Variants in SLC16A6 observed in about 807,000 individuals in gnomAD.
SLC16A6 encodes the protein monocarboxylate transporter 7.
Under a neutral mutation model 33.8 loss-of-function variants are expected in SLC16A6, and 15 were observed. The ratio of observed to expected loss-of-function variants is 0.44; its 90% CI spans 0.30 to 0.68. The LOEUF (loss-of-function observed/expected upper bound fraction) is 0.68. Ranked by LOEUF, SLC16A6 falls within the 30% of genes least tolerant of loss-of-function variation. The probability of loss-of-function intolerance (pLI) is 0.10; values close to 1 mark genes in which losing one functional copy is unlikely to be tolerated. For missense variants in SLC16A6, 451 were observed against 661.5 expected (o/e 0.68, Z 3.49); for synonymous variants, 219 against 248.4 (o/e 0.88, Z 1.11).
Position 68,271,643 on chromosome 17 carries a change from G to T in SLC16A6, c.517C>A (p.Leu173Met), listed in dbSNP as rs1555748909. Residue 173 changes from leucine (L) to methionine (M), a missense_variant, in exon 5 of 6, where the codon CTG becomes ATG. Transcript: ENST00000580666. This position sits in a 1 kb window ranked among gnomAD's most constrained non-coding sequence, Gnocchi z 5.3. ...VFAFAPAIMA[L>M]KERIGWRYSL... ...TATCTCCAGCCAATGCGCTCCTTCA[G>T]AGCCATGATTGCTTGAATAGGCAGG... is the stretch of plus-strand genomic sequence containing the variant. The T allele has an allele frequency of 6.2e-7, 1 of 1,611,550 alleles. No individual in the cohort carries two copies. Among genetic ancestry groups the T allele is most frequent in the Admixed American group, 1.7e-5 (1 of 59,920 alleles).
chr17:68,273,890 T>C (rs1479515787), intron 3 of SLC16A6, 37 bp downstream of exon 3: 1 of 1,601,462 alleles, frequency 6.2e-7, no homozygotes, highest in African/African-American at 1.3e-5. Context: ...TCAAACTAAG[T>C]GTCTAGACAA....
chr17:68,270,846 G>T lies in SLC16A6; in HGVS notation c.1314C>A (p.Pro438=), dbSNP rs1555748243. 1 of 1,606,394 alleles carries T rather than the reference G, an allele frequency of 6.2e-7. No individual in the cohort carries two copies. The highest frequency in any genetic ancestry group is 1.1e-5 in the South Asian group (1 of 90,344). ...TTTGTGTATTTAAATTACCTGCAAG[G>T]GGCGGTCCAGCCAGTCCTGCTATGC... ...IQSIAGLAGP[P]LAGLLVDQSK... The change falls in exon 5 of 6, where the codon CCC becomes CCA. Residue 438 remains proline, a synonymous_variant. Transcript: ENST00000580666.
intron 1 of SLC16A6, among the ~76,000 whole-genome samples, chr17:68,282,779 T>TTAAAA (rs1188538323): frequency 1.9e-5 from 1 of 53,398 alleles, no homozygotes; most frequent in Non-Finnish European, 3.3e-5. Context: ...CCATCTCTAC[T>TTAAAA]AAAAAAAAAA....
intron 1 of SLC16A6, among the ~76,000 whole-genome samples, chr17:68,279,111 C>T (rs181060828): frequency 6.6e-6 from 1 of 152,150 alleles, no homozygotes; most frequent in Non-Finnish European, 1.5e-5. Flanking sequence ...GGCCACCAGA[C>T]CAAGTATTAA....
Position 68,267,719 on chromosome 17 carries a change from G to A in SLC16A6, c.*1377C>T, listed in dbSNP as rs1555746847. The A allele has an allele frequency of 6.6e-6, 1 of 151,286 alleles. No homozygotes were observed. Among genetic ancestry groups the A allele is most frequent in the East Asian group, 1.9e-4 (1 of 5,154 alleles). The allele number at this position is 151,286 out of a possible 1,614,324, so 9.4% of individuals were successfully genotyped here. A position where few individuals can be genotyped will look rare whatever the true frequency, so the allele number is the denominator to read the frequency against. On this transcript the variant is annotated 3_prime_UTR_variant, in exon 6 of 6. Transcript: ENST00000580666. Reference sequence around the variant, plus strand: ...CCTCCTTACAGAAAACTGCTAACGTGAGCAATACTATACATGTAGTGTGAC... The same window carrying A: ...CCTCCTTACAGAAAACTGCTAACGTAAGCAATACTATACATGTAGTGTGAC...
intron 1 of SLC16A6, among the ~76,000 whole-genome samples, chr17:68,288,694 C>T (rs578046263): frequency 6.6e-6 from 1 of 152,338 alleles, no homozygotes; most frequent in African/African-American, 2.4e-5. Context: ...ACTTCTATGA[C>T]AGCCTTTGAC....
chr17:68,270,380 C>G (rs1225848966), intron 5 of SLC16A6, among the ~76,000 whole-genome samples: 1 of 152,064 alleles, frequency 6.6e-6, no homozygotes, highest in African/African-American at 2.4e-5. Flanking sequence ...ATGGTGAAAC[C>G]CCATCTCTAC....
chr17:68,290,123 G>A (rs970000829), intron 1 of SLC16A6, among the ~76,000 whole-genome samples: 5 of 152,110 alleles, frequency 3.3e-5, no homozygotes, highest in Admixed American at 3.3e-4. Context: ...TCATTCCCGG[G>A]GTAGAAACCA....
intron 4 of SLC16A6, among the ~76,000 whole-genome samples, chr17:68,272,333 G>A (rs1485955241): frequency 6.6e-6 from 1 of 152,176 alleles, no homozygotes. Context: ...TTTGAAAAAC[G>A]AGAGGACATA....
intron 5 of SLC16A6, 41 bp downstream of exon 5, chr17:68,270,798 G>C: frequency 6.6e-7 from 1 of 1,506,248 alleles, no homozygotes; most frequent in South Asian, 1.3e-5. Context: ...AATTCACAAG[G>C]GAAAGTAGAC....
rs2075190619 is a variant in SLC16A6 at position 68,267,402 on chromosome 17, C to G, written c.*1694G>C. The G allele has an allele frequency of 6.6e-6, 1 of 152,130 alleles. No individual in the cohort carries two copies. The highest frequency in any genetic ancestry group is 2.1e-4 in the South Asian group (1 of 4,830). The allele number at this position is 152,130 out of a possible 1,614,324, so 9.4% of individuals were successfully genotyped here. On this transcript the variant is annotated 3_prime_UTR_variant, in exon 6 of 6. Coordinates refer to ENST00000580666, the MANE Select transcript of SLC16A6 (RefSeq NM_004694.5). ...TTGACAGACACTTTGTCATTTCCTC[C>G]CCCACCCTCCCCAAAGTTTTATAGA...
At position 68,273,939 on chromosome 17, in the gene SLC16A6, C is replaced by T. The variant is rs782397998; in HGVS notation, c.364G>A (p.Gly122Ser). ...QEVSHMYVAI[G>S]IISGLGYCFS... is the part of the protein sequence containing the mutation. ...GAGGAACACTTACCAGAGATGATGC[C>T]GATGGCGACGTACATATGAGAAACC... is the stretch of plus-strand genomic sequence containing the variant. Residue 122 changes from glycine (G) to serine (S), a missense_variant, in exon 3 of 6, where the codon GGC becomes AGC. Coordinates refer to ENST00000580666, the MANE Select transcript of SLC16A6 (RefSeq NM_004694.5). 3 of 1,613,994 alleles carry T rather than the reference C, an allele frequency of 1.9e-6. No individual in the cohort carries two copies. The highest frequency in any genetic ancestry group is 1.1e-5 in the South Asian group (1 of 91,074).
Position 68,270,199 on chromosome 17 carries a change from T to C in SLC16A6, c.1321+640A>G, listed in dbSNP as rs782098213. Reference sequence around the variant, plus strand: ...TAGTTCTATCATTCCAAAAGTCAGGTGGGCTCTGAAGGTGATAAATCCATG... The same window carrying C: ...TAGTTCTATCATTCCAAAAGTCAGGCGGGCTCTGAAGGTGATAAATCCATG... On this transcript the variant is annotated intron_variant, in intron 5 of 5. Transcript: ENST00000580666. Among the ~76,000 whole-genome samples the C allele has an allele frequency of 6.6e-5, 10 of 152,066 alleles. 1 individual carries two copies. The highest frequency in any genetic ancestry group is 1.0e-4 in the Non-Finnish European group (7 of 68,018).
intron 2 of SLC16A6, 36 bp from the exon 3 acceptor site, chr17:68,274,106 A>C: frequency 6.2e-7 from 1 of 1,602,452 alleles, no homozygotes; most frequent in South Asian, 1.1e-5. Context: ...TTTAACTCAC[A>C]GAGGCTTCAG....
intron 2 of SLC16A6, among the ~76,000 whole-genome samples, chr17:68,275,465 A>G (rs1218371945): frequency 6.6e-6 from 1 of 152,212 alleles, no homozygotes; most frequent in Admixed American, 6.5e-5. Context: ...TGTTGGCTCA[A>G]AGCATTAACA....
intron 1 of SLC16A6, among the ~76,000 whole-genome samples, chr17:68,282,800 A>AAAAAAAAAAAAAAAAAAG (rs2075736806): frequency 6.8e-6 from 1 of 147,372 alleles, no homozygotes; most frequent in Non-Finnish European, 1.5e-5. Context: ...AAAAAAAAAA[A>AAAAAAAAAAAAAAAAAAG]GGCCAGGTGT....
Position 68,272,662 on chromosome 17 carries a change from A to C in SLC16A6, c.482T>G (p.Phe161Cys). Residue 161 changes from phenylalanine (F) to cysteine (C), a missense_variant, in exon 4 of 6, where the codon TTC becomes TGC. Physicochemically the swap from Phe to Cys is radical, Grantham distance 205. Around this residue, in one of 2 missense-constraint regions of SLC16A6, gnomAD observed 405 missense variants for 510.7 expected, o/e 0.79. Coordinates refer to ENST00000580666, the MANE Select transcript of SLC16A6 (RefSeq NM_004694.5). Reference protein sequence around the residue: ...VTAVASTGECFAVFAFAPAIM... With the variant: ...VTAVASTGECCAVFAFAPAIM... Reference sequence around the variant, plus strand: ...ACCTGGTGCGAAAGCAAACACAGCGAAACATTCTCCTGTGGAAGCAACTGC... The same window carrying C: ...ACCTGGTGCGAAAGCAAACACAGCGCAACATTCTCCTGTGGAAGCAACTGC... 2 of 1,614,190 alleles carry C rather than the reference A, an allele frequency of 1.2e-6. No homozygotes were observed. The highest frequency in any genetic ancestry group is 8.5e-7 in the Non-Finnish European group (1 of 1,180,004).
chr17:68,271,616 T>C lies in SLC16A6; in HGVS notation c.544A>G (p.Ser182Gly), dbSNP rs1274150781. The stretch of plus-strand genomic sequence containing the variant: ...TGTAGTAGGCCCACGAAGAGGAGGC[T>C]GTATCTCCAGCCAATGCGCTCCTTC... ...ALKERIGWRY[S>G]LLFVGLLQLN... Residue 182 changes from serine to glycine, a missense_variant, in exon 5 of 6, where the codon AGC (serine) becomes GGC (glycine). Coordinates refer to ENST00000580666, the MANE Select transcript of SLC16A6 (RefSeq NM_004694.5). The surrounding 1 kb of genome is among the most constrained non-coding windows in gnomAD (Gnocchi z 5.3). 4 of 1,613,714 alleles carry C rather than the reference T, an allele frequency of 2.5e-6. No individual in the cohort carries two copies. The African/African-American group carries it at 5.3e-5, about 22-fold the overall frequency.
chr17:68,286,087 C>A (rs115620883), intron 1 of SLC16A6, among the ~76,000 whole-genome samples: 3,659 of 152,186 alleles, frequency 0.024, 131 homozygotes, highest in African/African-American at 0.082. Context: ...GAGACAGGGT[C>A]TCACCATGTG....
Sources: allele counts gnomAD v4.1 joint callset (sites outside exome capture counted in the v4.1 genomes callset), GRCh38; gene constraint gnomAD v4.1.1; regional missense constraint gnomAD v4.1.1; non-coding constraint Gnocchi (gnomAD v3.1); transcripts MANE v1.5; gene names NCBI Gene and HGNC (gene_info 2026-07-23, HGNC 2026-07-21).